Variants in ZPBP observed in about 807,000 individuals in gnomAD.
ZPBP encodes the protein zona pellucida binding protein, also known as zona pellucida-binding protein 1.
ZPBP carries 26 observed loss-of-function variants against 44.8 expected under a neutral mutation model. The ratio of observed to expected loss-of-function variants is 0.58; its 90% confidence interval spans 0.43 to 0.81. The LOEUF is 0.81. ZPBP is among the 30% of genes least tolerant of loss of function. The probability of loss-of-function intolerance (pLI) is 0.00; values close to 1 mark genes in which losing one functional copy is unlikely to be tolerated. For missense variants in ZPBP, 409 were observed against 434.0 expected (o/e 0.94, Z 0.51); for synonymous variants, 174 against 153.2 (o/e 1.14, Z -1.00).
chr7:49,887,316 T>G (rs1791944731), intron 2 of ZPBP, among the ~76,000 whole-genome samples: 1 of 152,200 alleles, frequency 6.6e-6, no homozygotes, highest in African/African-American at 2.4e-5. Flanking sequence ...TCTGCATCAT[T>G]TGAAAGATTT....
At chr7:50,083,087 T>C (rs1210319918) in intron 2 of ZPBP, among the ~76,000 whole-genome samples, 1 of 151,856 alleles carries the variant, frequency 6.6e-6, no homozygotes, top group East Asian at 1.9e-4. Context: ...CATAAGTATA[T>C]CCTTTGTGCT....
chr7:50,014,465 C>CTTTTTTTTTTT (rs11378550), intron 6 of ZPBP, among the ~76,000 whole-genome samples: 1 of 132,388 alleles, frequency 7.6e-6, no homozygotes, highest in African/African-American at 2.7e-5. Flanking sequence ...CTTTCTTTTT[C>CTTTTTTTTTTT]TTTTTTTTTT....
At chr7:50,047,440 TTTACAG>T (rs1378145777) in intron 4 of ZPBP, among the ~76,000 whole-genome samples, 3 of 152,050 alleles carry the variant, frequency 2.0e-5, no homozygotes, top group Admixed American at 6.6e-5. Flanking sequence ...GATGGATATT[TTTACAG>T]ACCAGACACA....
intron 3 of ZPBP, among the ~76,000 whole-genome samples, chr7:50,078,897 A>G (rs1379603407): frequency 3.3e-5 from 4 of 121,904 alleles, no homozygotes; most frequent in African/African-American, 1.2e-4. Flanking sequence ...AATGGGCAAA[A>G]GACATGAATA....
At chr7:50,037,314 C>T (rs971685022) in intron 4 of ZPBP, among the ~76,000 whole-genome samples, 1 of 152,152 alleles carries the variant, frequency 6.6e-6, no homozygotes, top group Admixed American at 6.5e-5. Context: ...AATAAAGAAA[C>T]ATTTATTCAA....
chr7:49,889,909 T>C (rs534645782), intron 2 of ZPBP, among the ~76,000 whole-genome samples: 11 of 152,168 alleles, frequency 7.2e-5, no homozygotes, highest in South Asian at 2.1e-4. Context: ...CTGAAAAAGT[T>C]TGAGAGACAA....
chr7:50,045,115 ACT>A (rs1224466702), intron 4 of ZPBP, among the ~76,000 whole-genome samples: 2 of 152,162 alleles, frequency 1.3e-5, no homozygotes, highest in African/African-American at 4.8e-5. Flanking sequence ...TATGCTAAAA[ACT>A]CTCAATAAAC....
intron 2 of ZPBP, 61 bp downstream of exon 2, chr7:50,089,568 T>C: frequency 8.1e-7 from 1 of 1,241,098 alleles, no homozygotes; most frequent in Admixed American, 1.9e-5. Flanking sequence ...TGGAGAAGAC[T>C]GATAAATTTA....
chr7:49,855,810 G>A lies in ZPBP; in HGVS notation n.510-5296C>T, dbSNP rs1053528738. Among the ~76,000 whole-genome samples the A allele has an allele frequency of 4.6e-5, 7 of 152,116 alleles. 1 individual carries two copies. The highest frequency in any genetic ancestry group is 4.2e-4 in the South Asian group (2 of 4,812). ...CAGCTGCCCTCACCAGCCAGGGGCC[G>A]GTGGCTGACGGTGCACGTTAATTCC... On this transcript the variant is annotated intron_variant and non_coding_transcript_variant, in intron 2 of 2. Coordinates refer to the ZPBP transcript ENST00000465922.
downstream of ZPBP, among the ~76,000 whole-genome samples, chr7:49,846,180 C>A (rs536672395): frequency 1.3e-5 from 2 of 152,342 alleles, no homozygotes; most frequent in East Asian, 1.9e-4. Flanking sequence ...TATGAATCCA[C>A]CCCATTTCCA....
At chr7:50,069,661 A>T (rs149271533) in intron 3 of ZPBP, among the ~76,000 whole-genome samples, 22 of 151,774 alleles carry the variant, frequency 1.4e-4, no homozygotes, top group Admixed American at 3.3e-4. Flanking sequence ...CTTTTTTTTT[A>T]AATTCTTTAT....
At chr7:50,062,929 G>A (rs948161031) in intron 3 of ZPBP, among the ~76,000 whole-genome samples, 9 of 145,338 alleles carry the variant, frequency 6.2e-5, no homozygotes, top group Admixed American at 1.4e-4. Context: ...CAGCCCAGTC[G>A]GATTAATATC....
intron 5 of ZPBP, among the ~76,000 whole-genome samples, chr7:50,024,868 G>T (rs1234357425): frequency 5.3e-5 from 8 of 151,862 alleles, no homozygotes. Context: ...GGAAAAGAAA[G>T]ATAATGATGT....
intron 7 of ZPBP, among the ~76,000 whole-genome samples, chr7:49,963,499 T>C (rs146463066): frequency 1.5e-3 from 232 of 151,930 alleles, no homozygotes; most frequent in African/African-American, 5.1e-3. Flanking sequence ...GAGCAAGAGT[T>C]GGACAGATAA....
chr7:49,902,406 C>A (rs73336278), intron 1 of ZPBP, among the ~76,000 whole-genome samples: 2,195 of 152,062 alleles, frequency 0.014, 63 homozygotes, highest in African/African-American at 0.05. Context: ...ATCAGTGGAA[C>A]AGCAGAACAC....
intron 2 of ZPBP, among the ~76,000 whole-genome samples, chr7:49,877,481 AATAT>A (rs1220691094): frequency 0.047 from 600 of 12,676 alleles, 47 homozygotes; most frequent in Non-Finnish European, 0.059. Context: ...AAAAAAAAAA[AATAT>A]ATATATATAT....
rs186219500 is a variant in ZPBP, at chr7:49,874,504, T to G, written n.510-23990A>C. On this transcript the variant is annotated intron_variant and non_coding_transcript_variant, in intron 2 of 2. Coordinates refer to the ZPBP transcript ENST00000465922. ...AACAACAAGATCACAAAACATCACA[T>G]TTCTCACAATGTATCCTCGTTGTTA... Among the ~76,000 whole-genome samples the G allele has an allele frequency of 1.6e-3, 241 of 152,138 alleles. 1 individual carries two copies. The highest frequency in any genetic ancestry group is 1.7e-3 in the Non-Finnish European group (117 of 67,988).
At chr7:49,976,599 A>T (rs896207910) in intron 7 of ZPBP, among the ~76,000 whole-genome samples, 1 of 152,196 alleles carries the variant, frequency 6.6e-6, no homozygotes, top group Non-Finnish European at 1.5e-5. Context: ...TAATAGAATG[A>T]GTAATTTTAA....
intron 1 of ZPBP, among the ~76,000 whole-genome samples, chr7:49,929,006 G>A (rs1441591870): frequency 2.0e-5 from 3 of 152,066 alleles, no homozygotes; most frequent in Non-Finnish European, 2.9e-5. Context: ...TGTACCACTG[G>A]GTCACATTTT....
Sources: allele counts gnomAD v4.1 joint callset (sites outside exome capture counted in the v4.1 genomes callset), GRCh38; gene constraint gnomAD v4.1.1; transcripts MANE v1.5; gene names NCBI Gene and HGNC (gene_info 2026-07-23, HGNC 2026-07-21).